The following CLASRP variants were observed in gnomAD, a reference collection of about 807,000 sequenced individuals.
CLASRP encodes CLK4 associating serine/arginine rich protein, also known as CLK4-associating serine/arginine rich protein.
In CLASRP, 52 loss-of-function variants were observed where a neutral mutation model predicts 99.9. That is an observed-to-expected ratio of 0.52 (90% CI 0.42 to 0.66). The LOEUF (loss-of-function observed/expected upper bound fraction) is 0.66. Ranked by LOEUF, CLASRP falls within the 30% of genes least tolerant of loss-of-function variation. The pLI is 0.00. For missense variants in CLASRP, 848 were observed against 999.2 expected, an observed-to-expected ratio of 0.85 and a Z score of 2.04; for synonymous variants, 379 against 373.0, an observed-to-expected ratio of 1.02 and a Z score of -0.18.
intron 15 of CLASRP, 65 bp downstream of exon 15, chr19:45,068,119 C>A: frequency 6.6e-7 from 1 of 1,509,702 alleles, no homozygotes; most frequent in African/African-American, 1.4e-5. Context: ...GAGCTGGGCC[C>A]GGTGGGCCTG....
At chr19:45,055,585 A>C (rs1185728855) in intron 5 of CLASRP, among the ~76,000 whole-genome samples, 1 of 152,232 alleles carries the variant, frequency 6.6e-6, no homozygotes, top group Non-Finnish European at 1.5e-5. Flanking sequence ...ATATAATCTC[A>C]GCACTTTGGG....
chr19:45,040,348 T>G, intron 2 of CLASRP, 37 bp downstream of exon 2: 6 of 1,469,536 alleles, frequency 4.1e-6, no homozygotes, highest in South Asian at 1.2e-5. Context: ...TGAGGGACCC[T>G]GGGTTGGGGG....
chr19:45,056,380 C>A, intron 5 of CLASRP, 70 bp from the exon 6 acceptor site: 1 of 1,410,066 alleles, frequency 7.1e-7, no homozygotes, highest in Non-Finnish European at 1.0e-6. Context: ...CCCACCGCAC[C>A]CTTGTGTTCC....
intron 7 of CLASRP, 162 bp downstream of exon 7, chr19:45,058,060 C>T (rs1972155461): frequency 1.2e-6 from 1 of 813,624 alleles, no homozygotes; most frequent in African/African-American, 1.7e-5. Flanking sequence ...TCACTCCTGT[C>T]CTCCTCCGTT....
rs2122615217 is a variant in CLASRP, at chr19:45,068,402, C to A, written c.1708-18C>A. 1 of 1,558,916 alleles carries A rather than the reference C, an allele frequency of 6.4e-7. No homozygotes were observed. Among genetic ancestry groups the A allele is most frequent in the Non-Finnish European group, 8.8e-7 (1 of 1,130,098 alleles). On this transcript the variant is annotated intron_variant, in intron 15 of 20. Coordinates refer to ENST00000221455, the MANE Select transcript of CLASRP (RefSeq NM_007056.3). ...GGGACACCCACCCCCTCTCCCGCCT[C>A]TTCTCCCCCCTCCCCAGCCCAAGCT...
intron 20 of CLASRP, 94 bp downstream of exon 20, chr19:45,070,655 C>T (rs1967219816): frequency 7.4e-7 from 1 of 1,353,596 alleles, no homozygotes; most frequent in African/African-American, 1.4e-5. Context: ...CACCCTGTAC[C>T]CACCTCCAGT....
Position 45,040,335 on chromosome 19 carries a change from G to A in CLASRP, c.99+24G>A, listed in dbSNP as rs935261389. On this transcript the variant is annotated intron_variant, in intron 2 of 20. Coordinates refer to ENST00000221455, the MANE Select transcript of CLASRP (RefSeq NM_007056.3). ...TCGTGAGTAACTGGCCTTTTGTCTG[G>A]GGTGAGGGACCCTGGGTTGGGGGGC... is the stretch of plus-strand genomic sequence containing the variant. The A allele has an allele frequency of 1.9e-6, 3 of 1,554,028 alleles. No homozygotes were observed. In the East Asian group the frequency reaches 6.8e-5, roughly 35 times the overall value.
rs2122596145 is a variant in CLASRP, at chr19:45,064,381, C to T, written c.1160C>T (p.Ser387Leu). The change falls in exon 13 of 21, where the codon TCG (serine) becomes TTG (leucine). Residue 387 changes from serine (S) to leucine (L), a missense_variant. Ser to Leu is a moderately radical substitution (Grantham distance 145). Coordinates refer to ENST00000221455, the MANE Select transcript of CLASRP (RefSeq NM_007056.3). ...SSSSSSSSSASRTSSSRSSSR... is the reference protein window; with the variant it reads ...SSSSSSSSSALRTSSSRSSSR... ...TCCTCCTCCTCCTCCTCTTCTGCCTCGAGGACCTCCAGCTCCCGCTCCAGC... is the reference window on the plus strand; with the variant it reads ...TCCTCCTCCTCCTCCTCTTCTGCCTTGAGGACCTCCAGCTCCCGCTCCAGC... The T allele has an allele frequency of 6.5e-7, 1 of 1,532,628 alleles. No homozygotes were observed. Among genetic ancestry groups the T allele is most frequent in the Non-Finnish European group, 8.7e-7 (1 of 1,143,530 alleles). The allele number at this position is 1,532,628 out of a possible 1,614,324, so 94.9% of individuals were successfully genotyped here.
At chr19:45,043,390 C>T (rs527302251) in intron 2 of CLASRP, among the ~76,000 whole-genome samples, 7 of 122,088 alleles carry the variant, frequency 5.7e-5, no homozygotes, top group East Asian at 4.9e-4. Context: ...CCAGCCTGGG[C>T]GACAGAGCGA....
intron 7 of CLASRP, 150 bp downstream of exon 7, chr19:45,058,048 T>G (rs1171939594): frequency 1.3e-5 from 12 of 921,836 alleles, no homozygotes; most frequent in Non-Finnish European, 2.0e-5. Context: ...GCTGCCCCTG[T>G]CTCACTCCTG....
intron 5 of CLASRP, among the ~76,000 whole-genome samples, chr19:45,054,282 C>T (rs1231264499): frequency 2.0e-5 from 3 of 152,098 alleles, no homozygotes; most frequent in Admixed American, 2.0e-4. Context: ...TTGAGTCTTA[C>T]TCTGTTGCCC....
intron 2 of CLASRP, among the ~76,000 whole-genome samples, chr19:45,043,777 C>T (rs566142711): frequency 1.4e-4 from 21 of 152,154 alleles, no homozygotes; most frequent in Admixed American, 1.0e-3. Flanking sequence ...AACTCATCTC[C>T]GATAGTGTCA....
chr19:45,041,444 AC>A (rs149811376), intron 2 of CLASRP, among the ~76,000 whole-genome samples: 4 of 150,690 alleles, frequency 2.7e-5, no homozygotes, highest in East Asian at 2.0e-4. Context: ...GGCCTATATT[AC>A]CCCCCCTCAC....
In CLASRP at chr19:45,067,724, T is replaced by C; in HGVS notation, c.1667+130T>C. 1.1e-6 allele frequency: 1 copy of C among 877,732 alleles called. No homozygotes were observed. The highest frequency in any genetic ancestry group is 1.8e-5 in the South Asian group (1 of 57,126). The allele number at this position is 877,732 out of a possible 1,614,324, so 54.4% of individuals were successfully genotyped here. On this transcript the variant is annotated intron_variant, in intron 14 of 20. Transcript: ENST00000221455. The surrounding 1 kb of genome is among the most constrained non-coding windows in gnomAD (Gnocchi z 4.9). ...TGGGGGGTGGTGTATGGCCCTGGCC[T>C]GGGAGGGTGGATTTCAGGGGGACAC... is the stretch of plus-strand genomic sequence containing the variant.
At chr19:45,059,421 A>C in intron 8 of CLASRP, 57 bp downstream of exon 8, 424 of 1,351,812 alleles carry the variant, frequency 3.1e-4, no homozygotes, top group Non-Finnish European at 4.1e-4. Flanking sequence ...CTGGCATCTC[A>C]CTATTACTCC....
At position 45,067,432 on chromosome 19, in the gene CLASRP, C is replaced by A. The variant is rs888593798; in HGVS notation, c.1505C>A (p.Pro502Gln). 10 of 1,535,378 alleles carry A rather than the reference C, an allele frequency of 6.5e-6. No homozygotes were observed. In the African/African-American group the frequency reaches 1.4e-4, roughly 21 times the overall value. ...AGCCGCAGCAGCTGGTCCCTCAGCC[C>A]GTCCCGCAGTCGCAGCCTGACTCGC... ...SRSRSSWSLS[P>Q]SRSRSLTRSR... is the part of the protein sequence containing the mutation. Residue 502 changes from proline (P) to glutamine (Q), a missense_variant, in exon 14 of 21, where the codon CCG (proline) becomes CAG (glutamine). Physicochemically the swap from Pro to Gln is moderately conservative, Grantham distance 76 (BLOSUM62 -1). Around this residue, in one of 8 missense-constraint regions of CLASRP, gnomAD observed 489 missense variants for 434.7 expected, o/e 1.12. Transcript: ENST00000221455. The surrounding 1 kb of genome is among the most constrained non-coding windows in gnomAD (Gnocchi z 4.9).
chr19:45,057,696 G>A, intron 6 of CLASRP, 54 bp from the exon 7 acceptor site: 1 of 1,603,214 alleles, frequency 6.2e-7, no homozygotes, highest in East Asian at 2.2e-5. Context: ...GGGCTAGCCT[G>A]GGGCCCTCAT....
chr19:45,062,497 C>A lies in CLASRP; in HGVS notation c.905+302C>A, dbSNP rs141866680. Reference sequence around the variant, plus strand: ...GGTTCACGCCATTCTCCTGCCTCAGCCTCCTGAGTAGCTGGGACTACAGGT... The same window carrying A: ...GGTTCACGCCATTCTCCTGCCTCAGACTCCTGAGTAGCTGGGACTACAGGT... On this transcript the variant is annotated intron_variant, in intron 11 of 20. Coordinates refer to ENST00000221455, the MANE Select transcript of CLASRP (RefSeq NM_007056.3). Among the ~76,000 whole-genome samples the A allele has an allele frequency of 2.3e-3, 346 of 152,342 alleles. 12 individuals carry two copies. The East Asian group carries it at 0.062, about 27-fold the overall frequency.
rs375710334 is a variant in CLASRP at position 45,052,187 on chromosome 19, G to T, written c.197+19G>T. On this transcript the variant is annotated intron_variant, in intron 3 of 20. Coordinates refer to ENST00000221455, the MANE Select transcript of CLASRP (RefSeq NM_007056.3). ...TTAATATGTAAGACTGATATGGAAG[G>T]CAGGGGAGTGTCTGAAGTCTGGGAG... The T allele has an allele frequency of 1.2e-6, 2 of 1,606,242 alleles. No individual in the cohort carries two copies. The highest frequency in any genetic ancestry group is 1.7e-6 in the Non-Finnish European group (2 of 1,173,290).
Sources: allele counts gnomAD v4.1 joint callset (sites outside exome capture counted in the v4.1 genomes callset), GRCh38; gene constraint gnomAD v4.1.1; regional missense constraint gnomAD v4.1.1; non-coding constraint Gnocchi (gnomAD v3.1); transcripts MANE v1.5; gene names NCBI Gene and HGNC (gene_info 2026-07-23, HGNC 2026-07-21).